The following NDUFC1 variants were observed in gnomAD, a reference collection of about 807,000 sequenced individuals.
NDUFC1 encodes the protein NADH:ubiquinone oxidoreductase subunit C1, also known as NADH dehydrogenase [ubiquinone] 1 subunit C1, mitochondrial.
In NDUFC1, 11 loss-of-function variants were observed where a neutral mutation model predicts 11.6. The ratio of observed to expected loss-of-function variants is 0.95; its 90% CI spans 0.60 to 1.58. The LOEUF (loss-of-function observed/expected upper bound fraction) is 1.58. NDUFC1 is among the 40% of genes most tolerant of loss of function. The pLI, the probability that NDUFC1 is intolerant of heterozygous loss-of-function variation, is 0.00. For synonymous variants in NDUFC1, 52 were observed against 42.2 expected (o/e 1.23, Z -0.90); for missense variants, 112 against 93.0 (o/e 1.20, Z -0.84).
chr4:139,296,059 T>C (rs1745459803), intron 2 of NDUFC1, 99 bp from the exon 3 acceptor site: 1 of 481,722 alleles, frequency 2.1e-6, no homozygotes, highest in Non-Finnish European at 3.6e-6. Flanking sequence ...CGGCTATTCA[T>C]CAAGAGGTTT....
At chr4:139,295,497 C>A (rs534730474) in intron 3 of NDUFC1, among the ~76,000 whole-genome samples, 9 of 152,316 alleles carry the variant, frequency 5.9e-5, no homozygotes, top group Non-Finnish European at 1.3e-4. Context: ...ACCCAAAGTC[C>A]ATTTACAAAG....
intron 1 of NDUFC1, chr4:139,301,704 C>G (rs1745753345): frequency 6.7e-7 from 1 of 1,498,960 alleles, no homozygotes; most frequent in Admixed American, 2.0e-5. Context: ...AGCTACGGAA[C>G]GGCAGCGGCG....
chr4:139,292,811 T>A (rs947759474), intron 4 of NDUFC1, among the ~76,000 whole-genome samples: 1 of 150,362 alleles, frequency 6.7e-6, no homozygotes, highest in Admixed American at 6.6e-5. Context: ...AGCCCTTAAA[T>A]ATATATATAT....
intron 4 of NDUFC1, among the ~76,000 whole-genome samples, chr4:139,294,239 G>A (rs368322465): frequency 6.6e-6 from 1 of 151,772 alleles, no homozygotes; most frequent in Non-Finnish European, 1.5e-5. Flanking sequence ...CACCACGTCC[G>A]GCCTGAAAAT....
rs771962798 is a variant in NDUFC1 at position 139,295,794 on chromosome 4, G to T, written c.5C>A (p.Ala2Glu). Residue 2 changes from alanine to glutamate, a missense_variant, in exon 3 of 6, where the codon GCG becomes GAG. By Grantham distance (107) the Ala-to-Glu change is moderately radical. Transcript: ENST00000394223. M[A>E]PSALLRPLSR... ...AAGGGGACGCAGCAAGGCGGACGGC[G>T]CCATCTTGCGTGGCCCAGCTCAGTC... 4 of 1,544,856 alleles carry T rather than the reference G, an allele frequency of 2.6e-6. No homozygotes were observed. The highest frequency in any genetic ancestry group is 3.5e-6 in the Non-Finnish European group (4 of 1,146,036).
intron 4 of NDUFC1, among the ~76,000 whole-genome samples, chr4:139,293,671 C>T (rs2110763664): frequency 6.6e-6 from 1 of 152,146 alleles, no homozygotes; most frequent in East Asian, 1.9e-4. Flanking sequence ...GGAGGAAGTC[C>T]CAAACCCATT....
chr4:139,294,515 T>A (rs895124653), intron 4 of NDUFC1, among the ~76,000 whole-genome samples: 1 of 151,754 alleles, frequency 6.6e-6, no homozygotes, highest in East Asian at 2.0e-4. Flanking sequence ...GGCGGGCGGA[T>A]CAATAGGTCA....
chr4:139,299,493 T>G (rs775889169), intron 1 of NDUFC1, among the ~76,000 whole-genome samples: 1 of 152,174 alleles, frequency 6.6e-6, no homozygotes, highest in African/African-American at 2.4e-5. Flanking sequence ...TTAACTATCA[T>G]CAGCAGCAGC....
intron 1 of NDUFC1, among the ~76,000 whole-genome samples, chr4:139,298,588 TAC>T (rs1487863965): frequency 6.6e-6 from 1 of 151,710 alleles, no homozygotes; most frequent in Non-Finnish European, 1.5e-5. Context: ...ATCCTGTCTA[TAC>T]ACACACACAA....
At chr4:139,298,481 T>C (rs573306773) in intron 1 of NDUFC1, among the ~76,000 whole-genome samples, 4 of 141,804 alleles carry the variant, frequency 2.8e-5, no homozygotes, top group Non-Finnish European at 6.1e-5. Context: ...AGGCCGGGCG[T>C]TGGGGCTCAC....
intron 2 of NDUFC1, chr4:139,296,437 AG>A (rs1223946059): frequency 1.3e-5 from 2 of 152,306 alleles, no homozygotes; most frequent in African/African-American, 4.8e-5. Context: ...ATACAGTTTG[AG>A]GTCTTCTGAC....
At chr4:139,292,326 CA>C (rs1336015766) in intron 5 of NDUFC1, among the ~76,000 whole-genome samples, 24 of 149,032 alleles carry the variant, frequency 1.6e-4, no homozygotes, top group African/African-American at 3.7e-4. Context: ...AAACAACAAA[CA>C]AAAAAAACCC....
intron 4 of NDUFC1, among the ~76,000 whole-genome samples, chr4:139,293,261 G>T (rs1021861303): frequency 6.6e-6 from 1 of 152,170 alleles, no homozygotes; most frequent in African/African-American, 2.4e-5. Context: ...TGGTTGGTGG[G>T]TGCGTGTTAT....
chr4:139,297,837 A>T (rs1745531336), intron 1 of NDUFC1, among the ~76,000 whole-genome samples: 1 of 152,208 alleles, frequency 6.6e-6, no homozygotes, highest in African/African-American at 2.4e-5. Context: ...AACAAGGTAA[A>T]TGGATTGCCT....
intron 1 of NDUFC1, chr4:139,301,085 C>G (rs1318815028): frequency 1.9e-5 from 3 of 154,232 alleles, no homozygotes; most frequent in African/African-American, 4.8e-5. Context: ...TTTTCATTTT[C>G]CACTCCGCCT....
intron 2 of NDUFC1, among the ~76,000 whole-genome samples, chr4:139,297,135 AACCTGTCAGTTGTAT>A (rs1745506021): frequency 6.6e-6 from 1 of 152,202 alleles, no homozygotes; most frequent in Non-Finnish European, 1.5e-5. Context: ...TCCACTCAGC[AACCTGTCAGTTGTAT>A]ATCCTTTCTA....
At chr4:139,294,076 G>A (rs1320462683) in intron 4 of NDUFC1, among the ~76,000 whole-genome samples, 1 of 151,432 alleles carries the variant, frequency 6.6e-6, no homozygotes, top group Non-Finnish European at 1.5e-5. Flanking sequence ...TGAACAGCTG[G>A]GACTACAGGC....
chr4:139,301,974 T>C (rs1745781030), intron 1 of NDUFC1: 3 of 856,316 alleles, frequency 3.5e-6, no homozygotes, highest in South Asian at 3.7e-5. Flanking sequence ...AATGCATTGC[T>C]TTGCTCCCTC....
rs531802483 is a variant in NDUFC1, at chr4:139,295,004, C to T, written c.171+39G>A. The T allele has an allele frequency of 8.8e-6, 13 of 1,473,768 alleles. 1 individual carries two copies. The African/African-American group carries it at 1.7e-4, about 19-fold the overall frequency. 91.3% of individuals were successfully genotyped at this position (1,473,768 alleles called of 1,614,324 possible). A position where few individuals can be genotyped will look rare whatever the true frequency, so the allele number is the denominator to read the frequency against. ...AATGTTATGTCATTCCCTTACCACGCTGGTGTAGTCTCACGACATCCGGGA... is the reference window on the plus strand; with the variant it reads ...AATGTTATGTCATTCCCTTACCACGTTGGTGTAGTCTCACGACATCCGGGA... On this transcript the variant is annotated intron_variant, in intron 4 of 5. Transcript: ENST00000394223.
Sources: allele counts gnomAD v4.1 joint callset (sites outside exome capture counted in the v4.1 genomes callset), GRCh38; gene constraint gnomAD v4.1.1; transcripts MANE v1.5; gene names NCBI Gene and HGNC (gene_info 2026-07-23, HGNC 2026-07-21).